SNX7: variants seen among roughly 807,000 people sequenced by gnomAD.
SNX7 encodes the protein sorting nexin-7.
A neutral mutation model predicts 48.4 loss-of-function variants in SNX7; 35 were observed. The ratio of observed to expected loss-of-function variants is 0.72; its 90% CI spans 0.55 to 0.96. SNX7 has a LOEUF of 0.96. SNX7 is among the 40% of genes least tolerant of loss of function. The pLI is 0.00. For synonymous variants in SNX7, 190 were observed against 190.2 expected, an observed-to-expected ratio of 1.00 and a Z score of 0.01; for missense variants, 553 against 548.9, an observed-to-expected ratio of 1.01 and a Z score of -0.07.
At chr1:98,726,426 G>A (rs9434432) in intron 7 of SNX7, among the ~76,000 whole-genome samples, 43,886 of 152,060 alleles carry the variant, frequency 0.29, 6,860 homozygotes, top group Non-Finnish European at 0.34. Flanking sequence ...GAAACTTATC[G>A]TTGAGGCAGG....
rs984907447 is a variant in SNX7, at chr1:98,716,593, G to C, written c.1125+14690G>C. Among the ~76,000 whole-genome samples, 12 of 152,268 alleles carry C rather than the reference G, an allele frequency of 7.9e-5. No homozygotes were observed. In the Middle Eastern group the frequency reaches 0.014, roughly 173 times the overall value. On this transcript the variant is annotated intron_variant, in intron 7 of 8. Coordinates refer to ENST00000306121, the MANE Select transcript of SNX7 (RefSeq NM_015976.5). ...AGGGGGTGATGATGGCATAAAAAAA[G>C]AAGGTAGTAGTGGAGATTTTGATAA...
chr1:98,747,891 A>G (rs1304702300), intron 8 of SNX7, among the ~76,000 whole-genome samples: 2 of 152,040 alleles, frequency 1.3e-5, no homozygotes, highest in Non-Finnish European at 2.9e-5. Flanking sequence ...TTCAAAATCC[A>G]TAGCTATAGC....
At position 98,760,178 on chromosome 1, in the gene SNX7, A is replaced by T; in HGVS notation, c.*47A>T. On this transcript the variant is annotated 3_prime_UTR_variant, in exon 9 of 9. Transcript: ENST00000306121. ...GATCTTTGGGAGACAGCATTTATTA[A>T]CCAAAGTTATTCTTTCTGGATCTGC... The T allele has an allele frequency of 7.1e-7, 1 of 1,402,336 alleles. No homozygotes were observed. 86.9% of individuals were successfully genotyped at this position (1,402,336 alleles called of 1,614,324 possible). A position where few individuals can be genotyped will look rare whatever the true frequency, so the allele number is the denominator to read the frequency against.
chr1:98,684,430 T>A (rs937890626), intron 1 of SNX7, among the ~76,000 whole-genome samples: 1 of 152,136 alleles, frequency 6.6e-6, no homozygotes, highest in African/African-American at 2.4e-5. Context: ...AGCTTCAAGA[T>A]GGTGTGTGTC....
intron 8 of SNX7, among the ~76,000 whole-genome samples, chr1:98,758,773 CATGTAA>C (rs1654978311): frequency 6.6e-6 from 1 of 151,954 alleles, no homozygotes; most frequent in Non-Finnish European, 1.5e-5. Flanking sequence ...TTACTGTTCT[CATGTAA>C]TTATACGAAT....
intron 7 of SNX7, among the ~76,000 whole-genome samples, chr1:98,713,853 C>T (rs1372547566): frequency 1.3e-5 from 2 of 152,110 alleles, no homozygotes; most frequent in Non-Finnish European, 2.9e-5. Flanking sequence ...ACAGTGGTAA[C>T]ATCAAAGACT....
chr1:98,714,351 T>C (rs965198484), intron 7 of SNX7, among the ~76,000 whole-genome samples: 5 of 152,188 alleles, frequency 3.3e-5, no homozygotes, highest in African/African-American at 1.2e-4. Flanking sequence ...CCCATTTTTG[T>C]GGACGGGAAA....
At chr1:98,693,089 T>G (rs1018233495) in intron 4 of SNX7, among the ~76,000 whole-genome samples, 11 of 152,140 alleles carry the variant, frequency 7.2e-5, no homozygotes, top group South Asian at 4.1e-4. Context: ...TGTTCAAGGG[T>G]CTACTTTATT....
intron 8 of SNX7, among the ~76,000 whole-genome samples, chr1:98,754,310 A>C (rs537243415): frequency 7.9e-5 from 12 of 152,154 alleles, no homozygotes; most frequent in African/African-American, 2.9e-4. Context: ...AGGAGGAATA[A>C]TGGTCTGTAG....
chr1:98,721,752 C>T (rs1378644686), intron 7 of SNX7, among the ~76,000 whole-genome samples: 1 of 151,904 alleles, frequency 6.6e-6, no homozygotes, highest in Non-Finnish European at 1.5e-5. Context: ...TAATTTTTAA[C>T]TTTGGAAAGC....
chr1:98,733,694 A>G (rs150365991), intron 7 of SNX7, among the ~76,000 whole-genome samples: 67 of 152,106 alleles, frequency 4.4e-4, no homozygotes, highest in Middle Eastern at 6.8e-3. Context: ...CTGTGAGGGC[A>G]AGGTCCATTT....
intron 8 of SNX7, among the ~76,000 whole-genome samples, chr1:98,756,422 GTTTT>G (rs35117249): frequency 1.8e-5 from 1 of 54,686 alleles, no homozygotes; most frequent in East Asian, 7.6e-4. Context: ...TGCCAGATGA[GTTTT>G]TTTTTTTTTT....
intron 5 of SNX7, among the ~76,000 whole-genome samples, chr1:98,698,214 C>T (rs1007846172): frequency 2.0e-5 from 3 of 151,950 alleles, no homozygotes; most frequent in Admixed American, 1.3e-4. Flanking sequence ...TTTAAGATCT[C>T]GAAGTTTTGG....
intron 7 of SNX7, among the ~76,000 whole-genome samples, chr1:98,714,661 C>A (rs1652493564): frequency 6.6e-6 from 1 of 151,924 alleles, no homozygotes. Context: ...TTCTGGAGCA[C>A]CAGTGTTGGA....
chr1:98,715,611 C>T (rs925868683), intron 7 of SNX7, among the ~76,000 whole-genome samples: 11 of 152,088 alleles, frequency 7.2e-5, no homozygotes, highest in South Asian at 2.1e-4. Context: ...TTTTGATGCA[C>T]GAGTTACCCA....
rs1476462021 is a variant in SNX7, at chr1:98,760,325, T to G, written c.*194T>G. 1.9e-5 allele frequency: 10 copies of G among 524,698 alleles called. No individual in the cohort carries two copies. The East Asian group carries it at 3.0e-4, about 15-fold the overall frequency. The allele number at this position is 524,698 out of a possible 1,614,324, so 32.5% of individuals were successfully genotyped here. ...AGATATATCTATCTGTATGGATATA[T>G]ATCTATATGTATATAGATATATAAA... On this transcript the variant is annotated 3_prime_UTR_variant, in exon 9 of 9. Transcript: ENST00000306121.
intron 7 of SNX7, among the ~76,000 whole-genome samples, chr1:98,730,586 A>G (rs1653459327): frequency 6.6e-6 from 1 of 152,096 alleles, no homozygotes; most frequent in Non-Finnish European, 1.5e-5. Context: ...TGCGGAAATC[A>G]CAAGCATTCC....
chr1:98,667,131 A>G (rs532003701), intron 1 of SNX7, among the ~76,000 whole-genome samples: 11 of 152,340 alleles, frequency 7.2e-5, no homozygotes, highest in Non-Finnish European at 4.4e-5. Context: ...ATCTAAAACA[A>G]TAAAATCGTT....
chr1:98,715,669 A>G (rs1652551313), intron 7 of SNX7, among the ~76,000 whole-genome samples: 1 of 152,128 alleles, frequency 6.6e-6, no homozygotes. Context: ...TGCCCTTTTG[A>G]TATGTTCACA....
Sources: gnomAD v4.1 joint callset for allele counts (sites outside exome capture counted in the v4.1 genomes callset) on GRCh38, gnomAD v4.1.1 for gene constraint, MANE v1.5 for transcripts, NCBI Gene and HGNC (gene_info 2026-07-23, HGNC 2026-07-21) for gene names.